Variants in CHD9 observed in about 807,000 individuals in gnomAD.
CHD9 encodes ATP-dependent chromatin remodeler CHD9.
CHD9 carries 77 observed loss-of-function variants against 316.1 expected under a neutral mutation model. That is an observed-to-expected ratio of 0.24 (90% confidence interval 0.20 to 0.29). CHD9 has a LOEUF of 0.29. CHD9 is among the 10% of genes least tolerant of loss of function. The pLI, the probability that CHD9 is intolerant of heterozygous loss-of-function variation, is 1.00. For missense variants in CHD9, 2,763 were observed against 3,438.1 expected, an observed-to-expected ratio of 0.80 and a Z score of 4.91; for synonymous variants, 1,129 against 1,158.3, an observed-to-expected ratio of 0.97 and a Z score of 0.51.
intron 32 of CHD9, 132 bp from the exon 33 acceptor site, chr16:53,307,549 A>G (rs2056096081): frequency 8.2e-6 from 6 of 732,256 alleles, no homozygotes; most frequent in East Asian, 2.7e-5. Context: ...ATATATATAC[A>G]CGAGAATATG....
At chr16:53,172,651 G>A (rs7196757) in intron 2 of CHD9, among the ~76,000 whole-genome samples, 47,841 of 151,982 alleles carry the variant, frequency 0.31, 7,714 homozygotes, top group Middle Eastern at 0.39. Context: ...TAAGAGTTCC[G>A]TTCGCTCCAC....
chr16:53,123,438 T>C (rs2152660170), intron 1 of CHD9, among the ~76,000 whole-genome samples: 1 of 152,230 alleles, frequency 6.6e-6, no homozygotes, highest in Admixed American at 6.6e-5. Flanking sequence ...TTCATATAAA[T>C]ATAATCAAAC....
intron 19 of CHD9, among the ~76,000 whole-genome samples, chr16:53,258,509 A>G (rs751415912): frequency 2.7e-4 from 41 of 152,268 alleles, no homozygotes; most frequent in South Asian, 4.1e-4. Context: ...GATACTGGAC[A>G]TTTGCCAAAA....
chr16:53,199,896 T>C (rs1567465011), intron 2 of CHD9, among the ~76,000 whole-genome samples: 1 of 152,286 alleles, frequency 6.6e-6, no homozygotes, highest in East Asian at 1.9e-4. Flanking sequence ...AGTTAGGACA[T>C]TTTGAACAAG....
At chr16:53,090,490 G>A (rs1247653839) in intron 1 of CHD9, among the ~76,000 whole-genome samples, 1 of 152,182 alleles carries the variant, frequency 6.6e-6, no homozygotes, top group Non-Finnish European at 1.5e-5. Flanking sequence ...CACATCAGTC[G>A]AGATCTCTTC....
intron 3 of CHD9, among the ~76,000 whole-genome samples, chr16:53,221,346 G>C (rs1033498515): frequency 1.3e-5 from 2 of 152,166 alleles, no homozygotes; most frequent in Non-Finnish European, 2.9e-5. Flanking sequence ...CTTTGACCCT[G>C]TGTTTTCAAA....
At chr16:53,143,266 G>A (rs755917405) in intron 1 of CHD9, among the ~76,000 whole-genome samples, 18 of 152,212 alleles carry the variant, frequency 1.2e-4, no homozygotes, top group Non-Finnish European at 2.5e-4. Flanking sequence ...TACAGATGGG[G>A]TTTAATAGAG....
rs189817233 is a variant in CHD9 at position 53,057,092 on chromosome 16, C to G, written c.-165+2015C>G. On this transcript the variant is annotated intron_variant, in intron 1 of 38. Coordinates refer to ENST00000447540, the MANE Select transcript of CHD9 (RefSeq NM_001308319.2). Reference sequence around the variant, plus strand: ...TTGGGAAGCTGAGGCAGAAAGATTACTTGAGGCTAGGAGTTCCAGATCAGC... The same window carrying G: ...TTGGGAAGCTGAGGCAGAAAGATTAGTTGAGGCTAGGAGTTCCAGATCAGC... Among the ~76,000 whole-genome samples, 8 of 152,268 alleles carry G rather than the reference C, an allele frequency of 5.3e-5. No homozygotes were observed. In the East Asian group the frequency reaches 1.3e-3, roughly 26 times the overall value.
intron 1 of CHD9, among the ~76,000 whole-genome samples, chr16:53,070,763 AG>A (rs2033978367): frequency 6.6e-6 from 1 of 152,210 alleles, no homozygotes. Flanking sequence ...CATGTTGGCC[AG>A]GCTGGTCTCA....
chr16:53,177,845 A>C (rs887429479), intron 2 of CHD9, among the ~76,000 whole-genome samples: 1 of 152,206 alleles, frequency 6.6e-6, no homozygotes, highest in African/African-American at 2.4e-5. Flanking sequence ...CTACATCCAG[A>C]ATCTGGCAGA....
At position 53,267,539 on chromosome 16, in the gene CHD9, T is replaced by G. The variant is rs769872891; in HGVS notation, c.4517+49T>G. 3 of 1,292,368 alleles carry G rather than the reference T, an allele frequency of 2.3e-6. No homozygotes were observed. In the East Asian group the frequency reaches 7.2e-5, roughly 31 times the overall value. The allele number at this position is 1,292,368 out of a possible 1,614,324, so 80.1% of individuals were successfully genotyped here. On this transcript the variant is annotated intron_variant, in intron 21 of 38. Transcript: ENST00000447540. ...GCTCTAAGTAGTCTGGTATGTAATG[T>G]TACAGAAAATATATACTGGTTTTGA...
At position 53,111,900 on chromosome 16, in the gene CHD9, G is replaced by A. The variant is rs78829300; in HGVS notation, c.-164-44026G>A. ...CTATAATTTGTTGACAACTTAATAT[G>A]CGATGACTTTATATGTATCATCTCT... On this transcript the variant is annotated intron_variant, in intron 1 of 38. Transcript: ENST00000447540. Among the ~76,000 whole-genome samples, 972 of 152,206 alleles carry A rather than the reference G, an allele frequency of 6.4e-3. 9 individuals are homozygous for A. Among genetic ancestry groups the A allele is most frequent in the African/African-American group, 0.022 (914 of 41,530 alleles).
chr16:53,134,646 T>C (rs938142042), intron 1 of CHD9, among the ~76,000 whole-genome samples: 3 of 152,208 alleles, frequency 2.0e-5, no homozygotes, highest in African/African-American at 7.2e-5. Context: ...TCCTGACATT[T>C]CCTCTACTGT....
chr16:53,304,386 G>T lies in CHD9; in HGVS notation c.6380G>T (p.Gly2127Val). Residue 2127 changes from glycine to valine, a missense_variant, in exon 31 of 39, where the codon GGA becomes GTA. Around this residue, in one of 15 missense-constraint regions of CHD9, gnomAD observed 663 missense variants for 751.2 expected, o/e 0.88. Transcript: ENST00000447540. ...AAGAAACCAAGAGTCCACAAAAGGG[G>T]ATCAGAATCTAGTTCTGATTCTGAC... Reference protein sequence around the residue: ...ASKKPRVHKRGSESSSDSDSD... With the variant: ...ASKKPRVHKRVSESSSDSDSD... The T allele has an allele frequency of 6.2e-7, 1 of 1,612,748 alleles. No homozygotes were observed. The highest frequency in any genetic ancestry group is 1.7e-4 in the Middle Eastern group (1 of 6,060).
intron 1 of CHD9, among the ~76,000 whole-genome samples, chr16:53,154,775 G>A (rs1233973661): frequency 6.6e-6 from 1 of 152,184 alleles, no homozygotes; most frequent in Admixed American, 6.5e-5. Context: ...CGTGCAGCCT[G>A]GTTTCTAACA....
intron 22 of CHD9, among the ~76,000 whole-genome samples, chr16:53,269,760 G>GTATC (rs1180173676): frequency 6.6e-6 from 1 of 152,070 alleles, no homozygotes; most frequent in Non-Finnish European, 1.5e-5. Flanking sequence ...GAATAGAGAG[G>GTATC]TATCTATTCA....
At chr16:53,247,586 A>G (rs2049741353) in intron 16 of CHD9, 83 bp downstream of exon 16, 1 of 909,562 alleles carries the variant, frequency 1.1e-6, no homozygotes, top group African/African-American at 1.7e-5. Context: ...AATGAACTTT[A>G]CTCATATCTT....
At chr16:53,125,553 C>T (rs192519905) in intron 1 of CHD9, among the ~76,000 whole-genome samples, 11 of 152,180 alleles carry the variant, frequency 7.2e-5, no homozygotes, top group South Asian at 4.1e-4. Context: ...GATTTTTTGA[C>T]GTTGCAGTGG....
intron 12 of CHD9, among the ~76,000 whole-genome samples, chr16:53,240,773 A>G (rs1009144823): frequency 7.2e-5 from 11 of 152,168 alleles, no homozygotes; most frequent in African/African-American, 2.7e-4. Flanking sequence ...AACATGTGCC[A>G]GGCATTATGC....
Sources: allele counts gnomAD v4.1 joint callset (sites outside exome capture counted in the v4.1 genomes callset), GRCh38; gene constraint gnomAD v4.1.1; regional missense constraint gnomAD v4.1.1; transcripts MANE v1.5; gene names NCBI Gene and HGNC (gene_info 2026-07-23, HGNC 2026-07-21).